The following ARHGEF1 variants were observed in gnomAD, a reference collection of about 807,000 sequenced individuals.
ARHGEF1 encodes the protein Rho guanine nucleotide exchange factor 1, also known as 115 kDa guanine nucleotide exchange factor.
ARHGEF1 carries 40 observed loss-of-function variants against 119.7 expected under a neutral mutation model. That is an observed-to-expected ratio of 0.33 (90% CI 0.26 to 0.44). The LOEUF (loss-of-function observed/expected upper bound fraction) is 0.44. ARHGEF1 is among the 20% of genes least tolerant of loss of function. ARHGEF1 has a pLI of 1.00. For synonymous variants in ARHGEF1, 494 were observed against 521.0 expected, an observed-to-expected ratio of 0.95 and a Z score of 0.71; for missense variants, 976 against 1,268.3, an observed-to-expected ratio of 0.77 and a Z score of 3.50.
chr19:41,926,216 G>T (rs144435988), intron 1 of ARHGEF1, among the ~76,000 whole-genome samples: 111 of 151,648 alleles, frequency 7.3e-4, no homozygotes, highest in African/African-American at 2.3e-3. Context: ...AAGAGGGGAC[G>T]TATGCTCCCC....
chr19:41,918,800 T>A (rs2074819866), upstream of ARHGEF1, among the ~76,000 whole-genome samples: 1 of 131,390 alleles, frequency 7.6e-6, no homozygotes, highest in Non-Finnish European at 1.6e-5. Context: ...ATACACACCA[T>A]ACACACACAC....
intron 1 of ARHGEF1, among the ~76,000 whole-genome samples, chr19:41,887,770 T>G (rs968515592): frequency 5.3e-5 from 8 of 152,072 alleles, no homozygotes; most frequent in Non-Finnish European, 1.2e-4. Flanking sequence ...CAGCCCCCTC[T>G]TCCATTAGGG....
chr19:41,884,611 C>A (rs1290484437), intron 1 of ARHGEF1: 14 of 1,364,832 alleles, frequency 1.0e-5, no homozygotes, highest in Middle Eastern at 1.8e-4. Context: ...TAAGACCCGC[C>A]ACGTCCATGT....
chr19:41,929,539 C>G (rs1321963464), intron 2 of ARHGEF1: 2 of 155,002 alleles, frequency 1.3e-5, no homozygotes, highest in African/African-American at 4.8e-5. Context: ...CCCTCACTGT[C>G]TACCCTCCTA....
At position 41,887,080 on chromosome 19, in the gene ARHGEF1, G is replaced by C. The variant is rs554485198; in HGVS notation, c.-19-984G>C. ...AGCACATGAGACTGTGACTCAGAGAGGTGTGAGGATGGTGGCTGCAGAAAC... is the reference window on the plus strand; with the variant it reads ...AGCACATGAGACTGTGACTCAGAGACGTGTGAGGATGGTGGCTGCAGAAAC... On this transcript the variant is annotated intron_variant, in intron 1 of 28. Coordinates refer to ENST00000354532, the MANE Select transcript of ARHGEF1 (RefSeq NM_004706.4). Among the ~76,000 whole-genome samples, 3 of 152,276 alleles carry C rather than the reference G, an allele frequency of 2.0e-5. No individual in the cohort carries two copies. The South Asian group carries it at 6.2e-4, about 32-fold the overall frequency.
At chr19:41,907,500 C>T (rs2074721119), downstream of ARHGEF1, 1 of 1,204,936 alleles carries the variant, frequency 8.3e-7, no homozygotes, top group Non-Finnish European at 1.1e-6. Flanking sequence ...GCGTCTGGAA[C>T]TCTCTGTGAC....
At chr19:41,909,980 G>A, downstream of ARHGEF1, 1 of 1,613,858 alleles carries the variant, frequency 6.2e-7, no homozygotes. The surrounding 1 kb of genome is among the most constrained non-coding windows in gnomAD (Gnocchi z 5.2). Flanking sequence ...CCCCTGCCAG[G>A]CTATGACGCC....
At chr19:41,913,799 C>T (rs528389104) in intron 18 of ARHGEF1, among the ~76,000 whole-genome samples, 5 of 151,002 alleles carry the variant, frequency 3.3e-5, no homozygotes, top group Non-Finnish European at 7.4e-5. Flanking sequence ...GGCGCCTCCC[C>T]TCCACACACA....
intron 4 of ARHGEF1, among the ~76,000 whole-genome samples, chr19:41,891,444 C>G (rs2074374947): frequency 2.0e-5 from 3 of 152,106 alleles, no homozygotes; most frequent in Non-Finnish European, 4.4e-5. Flanking sequence ...CCACCACACC[C>G]GACTAATTTT....
Position 41,906,756 on chromosome 19 carries a change from G to A in ARHGEF1, c.2709G>A (p.Gly903=), listed in dbSNP as rs376680966. The change falls in exon 28 of 29, where the codon GGG becomes GGA. Residue 903 remains glycine, a synonymous_variant. Coordinates refer to ENST00000354532, the MANE Select transcript of ARHGEF1 (RefSeq NM_004706.4). The surrounding 1 kb of genome is among the most constrained non-coding windows in gnomAD (Gnocchi z 4.5). ...RLRPLLSQLG[G]NSVPQPGCT ...GACCCCTCCTGTCTCAGCTTGGGGG[G>A]AACTCTGTCCCCCAGCCTGGCTGCA... 1 of 1,611,470 alleles carries A rather than the reference G, an allele frequency of 6.2e-7. No homozygotes were observed. The highest frequency in any genetic ancestry group is 8.5e-7 in the Non-Finnish European group (1 of 1,178,986).
At chr19:41,924,000 G>T (rs2074857389) in intron 1 of ARHGEF1, among the ~76,000 whole-genome samples, 1 of 126,268 alleles carries the variant, frequency 7.9e-6, no homozygotes, top group Admixed American at 7.8e-5. Flanking sequence ...GCTGTGCTGG[G>T]GGTGTGTCTG....
chr19:41,894,093 G>A (rs1323790093), intron 8 of ARHGEF1, 114 bp from the exon 9 acceptor site: 11 of 666,526 alleles, frequency 1.7e-5, no homozygotes, highest in Admixed American at 3.8e-5. Flanking sequence ...TGGGAAGGCC[G>A]GGCCTCTGCC....
chr19:41,885,217 C>T (rs2074275599), intron 1 of ARHGEF1, among the ~76,000 whole-genome samples: 3 of 152,140 alleles, frequency 2.0e-5, no homozygotes, highest in Admixed American at 2.0e-4. Context: ...CCCCCAAACC[C>T]CTCCTCCTAA....
intron 18 of ARHGEF1, among the ~76,000 whole-genome samples, chr19:41,914,693 C>A (rs143826171): frequency 8.2e-5 from 2 of 24,424 alleles, no homozygotes; most frequent in East Asian, 2.5e-3. Context: ...ATCTCTGTCT[C>A]TCCCTCCCCT....
At chr19:41,908,278 G>A, downstream of ARHGEF1, 1 of 1,231,620 alleles carries the variant, frequency 8.1e-7, no homozygotes, top group Non-Finnish European at 1.0e-6. This position sits in a 1 kb window ranked among gnomAD's most constrained non-coding sequence, Gnocchi z 6.7. Context: ...GGTGCCGGGA[G>A]ACCCTCATCG....
rs1279176344 is a variant in ARHGEF1 at position 41,903,179 on chromosome 19, C to T, written c.1739-128C>T. ...TCAAGCTATCCTCCCGCCTCAGCCT[C>T]CCAAAGTGCTTGGATTACAGGCGTG... On this transcript the variant is annotated intron_variant, in intron 18 of 28. Coordinates refer to ENST00000354532, the MANE Select transcript of ARHGEF1 (RefSeq NM_004706.4). This position sits in a 1 kb window ranked among gnomAD's most constrained non-coding sequence, Gnocchi z 4.2. 1 of 833,450 alleles carries T rather than the reference C, an allele frequency of 1.2e-6. No individual in the cohort carries two copies. Among genetic ancestry groups the T allele is most frequent in the East Asian group, 2.7e-5 (1 of 37,478 alleles). 51.6% of individuals were successfully genotyped at this position (833,450 alleles called of 1,614,324 possible).
upstream of ARHGEF1, among the ~76,000 whole-genome samples, chr19:41,919,495 G>A (rs904514723): frequency 3.4e-5 from 5 of 147,488 alleles, no homozygotes; most frequent in Admixed American, 1.3e-4. Context: ...TACCACCCAC[G>A]TGTGCACGTG....
chr19:41,927,413 C>T (rs912586181), intron 1 of ARHGEF1, among the ~76,000 whole-genome samples: 2 of 152,076 alleles, frequency 1.3e-5, no homozygotes, highest in Admixed American at 6.5e-5. Flanking sequence ...GATCCAAATT[C>T]GCAGACCCTT....
downstream of ARHGEF1, among the ~76,000 whole-genome samples, chr19:41,911,283 A>G (rs1455265558): frequency 6.6e-6 from 1 of 151,942 alleles, no homozygotes; most frequent in Non-Finnish European, 1.5e-5. Context: ...TTCTGTGTTC[A>G]CTCTTATGCC....
Sources: allele counts gnomAD v4.1 joint callset (sites outside exome capture counted in the v4.1 genomes callset), GRCh38; gene constraint gnomAD v4.1.1; non-coding constraint Gnocchi (gnomAD v3.1); transcripts MANE v1.5; gene names NCBI Gene and HGNC (gene_info 2026-07-23, HGNC 2026-07-21).